The following ZFP64 variants were observed in gnomAD, a reference collection of about 807,000 sequenced individuals.
ZFP64 encodes zinc finger protein 64.
Under a neutral mutation model 51.6 loss-of-function variants are expected in ZFP64, and 14 were observed. The ratio of observed to expected loss-of-function variants is 0.27; its 90% CI spans 0.18 to 0.42. The LOEUF (loss-of-function observed/expected upper bound fraction) is 0.42, where lower values mean the gene tolerates loss of function less well. Among genes scored for constraint, ZFP64 ranks in the 10% least tolerant of loss-of-function variants. The pLI is 1.00. For synonymous variants in ZFP64, 375 were observed against 361.4 expected (o/e 1.04, Z -0.43); for missense variants, 754 against 906.8 (o/e 0.83, Z 2.16).
chr20:52,177,307 G>C (rs1329069745), intron 2 of ZFP64, among the ~76,000 whole-genome samples: 1 of 152,164 alleles, frequency 6.6e-6, no homozygotes, highest in Non-Finnish European at 1.5e-5. Flanking sequence ...CTTTAACGAG[G>C]CAGTGGTAGG....
chr20:52,104,965 A>T, intron 5 of ZFP64: 1 of 788,694 alleles, frequency 1.3e-6, no homozygotes, highest in Non-Finnish European at 2.0e-6. Context: ...AGTGTAATTT[A>T]CAAAGGCGGG....
At chr20:52,088,726 T>C in intron 7 of ZFP64, 1 of 1,578,426 alleles carries the variant, frequency 6.3e-7, no homozygotes, top group Non-Finnish European at 8.6e-7. Flanking sequence ...AGCCTGGGCA[T>C]ATGGGTGTGC....
rs1478697105 is a variant in ZFP64, at chr20:52,191,345, C to A, written c.46+246G>T. Reference sequence around the variant, plus strand: ...GCGTGCCCTCCCCCACTGTTCCCTTCCAAGGGGTCTCGCAAGGCTGGAGAG... The same window carrying A: ...GCGTGCCCTCCCCCACTGTTCCCTTACAAGGGGTCTCGCAAGGCTGGAGAG... On this transcript the variant is annotated intron_variant, in intron 1 of 5. Coordinates refer to ENST00000216923, the MANE Select transcript of ZFP64 (RefSeq NM_018197.3). This position sits in a 1 kb window ranked among gnomAD's most constrained non-coding sequence, Gnocchi z 4.3. 6.6e-6 allele frequency among the ~76,000 whole-genome samples: 1 copy of A among 152,164 alleles called. No individual in the cohort carries two copies. The highest frequency in any genetic ancestry group is 1.5e-5 in the Non-Finnish European group (1 of 68,012).
intron 5 of ZFP64, chr20:52,105,785 CAGGCTGCGCTTTTAG>C (rs1347817844): frequency 6.6e-6 from 1 of 152,014 alleles, no homozygotes; most frequent in African/African-American, 2.4e-5. Context: ...CTGCGCTGCA[CAGGCTGCGCTTTTAG>C]ATTCGGACTT....
chr20:52,188,076 C>T (rs1400969134), intron 1 of ZFP64, among the ~76,000 whole-genome samples: 1 of 152,076 alleles, frequency 6.6e-6, no homozygotes, highest in Non-Finnish European at 1.5e-5. Context: ...CAATGTGCCC[C>T]TTTTCTTCTG....
chr20:52,151,865 C>T lies in ZFP64; in HGVS notation c.*281G>A. 4 of 984,856 alleles carry T rather than the reference C, an allele frequency of 4.1e-6. No individual in the cohort carries two copies. The highest frequency in any genetic ancestry group is 2.3e-5 in the South Asian group (1 of 44,120). 61.0% of individuals were successfully genotyped at this position (984,856 alleles called of 1,614,324 possible). A position where few individuals can be genotyped will look rare whatever the true frequency, so the allele number is the denominator to read the frequency against. On this transcript the variant is annotated 3_prime_UTR_variant, in exon 6 of 6. Transcript: ENST00000216923. Reference sequence around the variant, plus strand: ...TCAGGAGTTCAACATGATGAAACCCCGTCTCTACTAAATATACAAAAATTA... The same window carrying T: ...TCAGGAGTTCAACATGATGAAACCCTGTCTCTACTAAATATACAAAAATTA...
rs142223289 is a variant in ZFP64, at chr20:52,152,910, C to T, written c.1282G>A (p.Asp428Asn). ...KLDAKKSFHC[D>N]ICDASFMRED... ...CGCATGAAGGAGGCATCGCATATAT[C>T]GCAGTGGAAACTCTTCTTGGCATCC... is the stretch of plus-strand genomic sequence containing the variant. Residue 428 changes from aspartate (D) to asparagine (N), a missense_variant, in exon 6 of 6, where the codon GAT (aspartate) becomes AAT (asparagine). This residue lies in a region of ZFP64 where 428 missense variants were observed against 472.4 expected (regional missense o/e 0.91). Transcript: ENST00000216923. The T allele has an allele frequency of 6.2e-7, 1 of 1,613,918 alleles. No individual in the cohort carries two copies. The highest frequency in any genetic ancestry group is 8.5e-7 in the Non-Finnish European group (1 of 1,180,030).
intron 5 of ZFP64, chr20:52,105,153 G>T (rs770458120): frequency 6.9e-7 from 1 of 1,447,260 alleles, no homozygotes; most frequent in Non-Finnish European, 9.0e-7. Context: ...GCCACCTGCG[G>T]GGCCACCTCC....
intron 6 of ZFP64, among the ~76,000 whole-genome samples, chr20:52,097,653 C>T (rs2079004498): frequency 6.6e-6 from 1 of 152,000 alleles, no homozygotes; most frequent in African/African-American, 2.4e-5. Flanking sequence ...TGGGGTTTCA[C>T]CATGTTGGCC....
Position 52,191,443 on chromosome 20 carries a change from C to T in ZFP64, c.46+148G>A, listed in dbSNP as rs530580934. The T allele has an allele frequency of 6.2e-5, 66 of 1,069,380 alleles. No homozygotes were observed. In the South Asian group the frequency reaches 1.4e-3, roughly 23 times the overall value. 66.2% of individuals were successfully genotyped at this position (1,069,380 alleles called of 1,614,324 possible). A position where few individuals can be genotyped will look rare whatever the true frequency, so the allele number is the denominator to read the frequency against. ...CTCCGGCGCCCCCTGCACAGCGCGCCCGCCGCGGTCCCCGAGACGCGGCTC... is the reference window on the plus strand; with the variant it reads ...CTCCGGCGCCCCCTGCACAGCGCGCTCGCCGCGGTCCCCGAGACGCGGCTC... On this transcript the variant is annotated intron_variant, in intron 1 of 5. Coordinates refer to ENST00000216923, the MANE Select transcript of ZFP64 (RefSeq NM_018197.3). The surrounding 1 kb of genome is among the most constrained non-coding windows in gnomAD (Gnocchi z 4.3).
In ZFP64 at chr20:52,085,085, C is replaced by T. The variant is rs769350221; in HGVS notation, c.1410G>A (p.Leu470=). 25 of 1,614,246 alleles carry T rather than the reference C, an allele frequency of 1.5e-5. No homozygotes were observed. Among genetic ancestry groups the T allele is most frequent in the Non-Finnish European group, 2.0e-5 (24 of 1,180,044 alleles). Residue 470 remains leucine (L), a synonymous_variant, in exon 9 of 9, where the codon CTG becomes CTA. Coordinates refer to the ZFP64 transcript ENST00000361387. This position sits in a 1 kb window ranked among gnomAD's most constrained non-coding sequence, Gnocchi z 4.3. ...GGTCCCGGCCCTGGAAGGCACAGTG[C>T]AGACATTTGAAGGTGTGCTTGATGC...
At chr20:52,151,225 C>T (rs996477781), downstream of ZFP64, 21 of 985,250 alleles carry the variant, frequency 2.1e-5, no homozygotes, top group East Asian at 1.1e-4. Context: ...TAATGACTCA[C>T]GCCCCATCAT....
intron 5 of ZFP64, chr20:52,104,896 C>A: frequency 1.5e-6 from 1 of 673,306 alleles, no homozygotes; most frequent in Non-Finnish European, 2.7e-6. Context: ...CGTTGACTAG[C>A]TCTTGAGAGG....
chr20:52,085,030 G>A lies in ZFP64; in HGVS notation c.1465C>T (p.His489Tyr), dbSNP rs1296357336. Reference sequence around the variant, plus strand: ...CACTTCTCCGGGTGGTCGGCCTGGTGCAGCCGGCTGTGCTCCAGGAGGTCA... The same window carrying A: ...CACTTCTCCGGGTGGTCGGCCTGGTACAGCCGGCTGTGCTCCAGGAGGTCA... The change falls in exon 9 of 9, where the codon CAC becomes TAC. Residue 489 changes from histidine to tyrosine, a missense_variant. His to Tyr is a moderately conservative substitution (Grantham distance 83). Transcript: ENST00000361387. The surrounding 1 kb of genome is among the most constrained non-coding windows in gnomAD (Gnocchi z 4.3). 1 of 1,614,092 alleles carries A rather than the reference G, an allele frequency of 6.2e-7. No homozygotes were observed. Among genetic ancestry groups the A allele is most frequent in the South Asian group, 1.1e-5 (1 of 91,076 alleles).
At position 52,186,962 on chromosome 20, in the gene ZFP64, A is replaced by T. The variant is rs772857012; in HGVS notation, c.156T>A (p.Ser52Arg). 1 of 1,614,124 alleles carries T rather than the reference A, an allele frequency of 6.2e-7. No homozygotes were observed. Among genetic ancestry groups the T allele is most frequent in the Non-Finnish European group, 8.5e-7 (1 of 1,179,980 alleles). The change falls in exon 2 of 6, where the codon AGT becomes AGA. Residue 52 changes from serine (S) to arginine (R), a missense_variant. Physicochemically the swap from Ser to Arg is moderately radical, Grantham distance 110 (BLOSUM62 -1). This residue lies in a region of ZFP64 where 95 missense variants were observed against 97.7 expected (regional missense o/e 0.97). Transcript: ENST00000216923. Reference protein sequence around the residue: ...NLDAFVAHKQSGCQLTGTSAA... With the variant: ...NLDAFVAHKQRGCQLTGTSAA... ...CGGATGTGCCTGTCAGCTGGCAGCC[A>T]CTTTGCTTGTGAGCTACAAAGGCAT...
chr20:52,140,820 A>G (rs1297722108), intron 5 of ZFP64, among the ~76,000 whole-genome samples: 2 of 152,210 alleles, frequency 1.3e-5, no homozygotes, highest in Non-Finnish European at 2.9e-5. Context: ...GATACCATCT[A>G]GGATGTTCAT....
At chr20:52,159,161 T>C (rs1981567112) in intron 5 of ZFP64, among the ~76,000 whole-genome samples, 1 of 152,220 alleles carries the variant, frequency 6.6e-6, no homozygotes, top group Non-Finnish European at 1.5e-5. Context: ...ACCTAAAGTA[T>C]GTTAGCAACA....
chr20:52,091,021 C>T (rs2078920716), intron 7 of ZFP64, among the ~76,000 whole-genome samples: 1 of 149,854 alleles, frequency 6.7e-6, no homozygotes, highest in African/African-American at 2.5e-5. Flanking sequence ...GGGAGGATCA[C>T]ATGAGCCCAG....
intron 5 of ZFP64, among the ~76,000 whole-genome samples, chr20:52,131,620 A>C (rs1450691461): frequency 6.6e-6 from 1 of 152,230 alleles, no homozygotes; most frequent in Non-Finnish European, 1.5e-5. Flanking sequence ...TAAGAAAAGC[A>C]GGTCACTATA....
Sources: allele counts gnomAD v4.1 joint callset (sites outside exome capture counted in the v4.1 genomes callset), GRCh38; gene constraint gnomAD v4.1.1; regional missense constraint gnomAD v4.1.1; non-coding constraint Gnocchi (gnomAD v3.1); transcripts MANE v1.5; gene names NCBI Gene and HGNC (gene_info 2026-07-23, HGNC 2026-07-21).